The following PITPNC1 variants were observed in gnomAD, a reference collection of about 807,000 sequenced individuals.
PITPNC1 encodes phosphatidylinositol transfer protein cytoplasmic 1.
PITPNC1 carries 18 observed loss-of-function variants against 44.7 expected under a neutral mutation model. The observed-to-expected ratio is 0.40, with a 90% confidence interval of 0.28 to 0.60. PITPNC1 has a LOEUF of 0.60. Ranked by LOEUF, PITPNC1 falls within the 20% of genes least tolerant of loss-of-function variation. PITPNC1 has a pLI of 0.39. For missense variants in PITPNC1, 290 were observed against 418.4 expected (o/e 0.69, Z 2.68); for synonymous variants, 141 against 149.6 (o/e 0.94, Z 0.42).
Position 67,465,635 on chromosome 17 carries a change from T to C in PITPNC1, c.49-67167T>C, listed in dbSNP as rs566368516. Among the ~76,000 whole-genome samples, 8 of 152,178 alleles carry C rather than the reference T, an allele frequency of 5.3e-5. No individual in the cohort carries two copies. The South Asian group carries it at 1.7e-3, about 32-fold the overall frequency. ...CCTGCACTGGATAGCCTTTCTCCAA[T>C]CTGTATAAGGTGGAATAGGGAAATG... On this transcript the variant is annotated intron_variant, in intron 1 of 8. Coordinates refer to ENST00000581322, the MANE Select transcript of PITPNC1 (RefSeq NM_012417.4).
chr17:67,403,240 A>AAAAAAAAAAAAAC (rs2038349039), intron 1 of PITPNC1, among the ~76,000 whole-genome samples: 1 of 148,738 alleles, frequency 6.7e-6, no homozygotes, highest in Non-Finnish European at 1.5e-5. Context: ...AAAAAAAAAA[A>AAAAAAAAAAAAAC]AGTCATGACT....
chr17:67,408,711 TTCCTTCCTTC>T (rs1567978390), intron 1 of PITPNC1: 49 of 149,036 alleles, frequency 3.3e-4, no homozygotes, highest in African/African-American at 7.0e-4. Context: ...CCTTCCTTCC[TTCCTTCCTTC>T]CTTCCTTCCT....
intron 6 of PITPNC1, among the ~76,000 whole-genome samples, chr17:67,640,763 G>A (rs898209033): frequency 2.0e-5 from 3 of 151,696 alleles, no homozygotes; most frequent in Non-Finnish European, 2.9e-5. Context: ...GCCGAGGCAG[G>A]CAGATTGCCT....
At chr17:67,607,650 AT>A (rs2041625581) in intron 5 of PITPNC1, among the ~76,000 whole-genome samples, 1 of 151,282 alleles carries the variant, frequency 6.6e-6, no homozygotes, top group African/African-American at 2.4e-5. Flanking sequence ...CTCCATACAT[AT>A]TTACATCATT....
At chr17:67,403,820 G>C (rs942371286) in intron 1 of PITPNC1, among the ~76,000 whole-genome samples, 1 of 152,150 alleles carries the variant, frequency 6.6e-6, no homozygotes, top group African/African-American at 2.4e-5. Context: ...TCAGGAGTTT[G>C]AGACCAGGCT....
chr17:67,476,826 G>A (rs1412658884), intron 1 of PITPNC1, among the ~76,000 whole-genome samples: 1 of 151,994 alleles, frequency 6.6e-6, no homozygotes, highest in African/African-American at 2.4e-5. Context: ...CTGGGTCCTG[G>A]GCTGTGATTC....
chr17:67,447,275 C>T (rs1351644113), intron 1 of PITPNC1, among the ~76,000 whole-genome samples: 1 of 151,692 alleles, frequency 6.6e-6, no homozygotes, highest in Non-Finnish European at 1.5e-5. Flanking sequence ...AGGCCCTTTG[C>T]TTTGGGTTAA....
At chr17:67,489,388 T>A (rs1333609302) in intron 1 of PITPNC1, among the ~76,000 whole-genome samples, 1 of 152,204 alleles carries the variant, frequency 6.6e-6, no homozygotes, top group African/African-American at 2.4e-5. Flanking sequence ...CAGAATGAAC[T>A]AAAGATCATG....
intron 1 of PITPNC1, among the ~76,000 whole-genome samples, chr17:67,384,428 C>CTTTTTT (rs60147017): frequency 7.0e-6 from 1 of 142,760 alleles, no homozygotes. Flanking sequence ...TCCTTGTTCT[C>CTTTTTT]TTTTTTTTTT....
chr17:67,389,960 C>T (rs1040811732), intron 1 of PITPNC1, among the ~76,000 whole-genome samples: 2 of 151,906 alleles, frequency 1.3e-5, no homozygotes, highest in African/African-American at 4.8e-5. Context: ...ATTACAGACG[C>T]GAGCCACCGT....
intron 5 of PITPNC1, among the ~76,000 whole-genome samples, chr17:67,610,412 G>A (rs1305551258): frequency 6.6e-6 from 1 of 152,174 alleles, no homozygotes; most frequent in Non-Finnish European, 1.5e-5. Context: ...AAATTACATT[G>A]GAAATTGTTT....
At chr17:67,692,511 G>C (rs1054875354) in intron 8 of PITPNC1, 61 bp from the exon 9 acceptor site, 1 of 1,181,820 alleles carries the variant, frequency 8.5e-7, no homozygotes, top group Non-Finnish European at 1.2e-6. Flanking sequence ...GGGTAGTGAT[G>C]AATCTATTTG....
At chr17:67,601,959 G>A (rs951315140) in intron 5 of PITPNC1, among the ~76,000 whole-genome samples, 3 of 152,108 alleles carry the variant, frequency 2.0e-5, no homozygotes, top group Non-Finnish European at 4.4e-5. Flanking sequence ...TAAAGGAAGG[G>A]GTCAGGAAAG....
intron 1 of PITPNC1, among the ~76,000 whole-genome samples, chr17:67,401,933 T>C (rs757807460): frequency 1.2e-4 from 19 of 152,224 alleles, no homozygotes; most frequent in Non-Finnish European, 2.2e-4. Context: ...TTCCTTCAGA[T>C]TGAATTTATG....
chr17:67,678,010 C>A (rs1006618860), intron 8 of PITPNC1, among the ~76,000 whole-genome samples: 4 of 151,476 alleles, frequency 2.6e-5, no homozygotes, highest in Non-Finnish European at 5.9e-5. Flanking sequence ...CCCAGGAATT[C>A]GAGACCAGCA....
chr17:67,502,288 T>G lies in PITPNC1; in HGVS notation c.49-30514T>G, dbSNP rs535882830. On this transcript the variant is annotated intron_variant, in intron 1 of 8. Transcript: ENST00000581322. ...GTGTTTTAAGATTTACTTGTACTTT[T>G]TTTTTTTTTAGGCCACTAGGCTGTT... is the stretch of plus-strand genomic sequence containing the variant. Among the ~76,000 whole-genome samples the G allele has an allele frequency of 1.6e-4, 24 of 152,180 alleles. No individual in the cohort carries two copies. The South Asian group carries it at 4.4e-3, about 28-fold the overall frequency.
At chr17:67,596,086 TG>T (rs1301864957) in intron 5 of PITPNC1, among the ~76,000 whole-genome samples, 1 of 152,238 alleles carries the variant, frequency 6.6e-6, no homozygotes, top group Non-Finnish European at 1.5e-5. Context: ...ATCATGAGAT[TG>T]GGTTTGTTAT....
intron 6 of PITPNC1, among the ~76,000 whole-genome samples, chr17:67,645,341 C>T (rs2042136178): frequency 8.6e-6 from 1 of 116,662 alleles, no homozygotes; most frequent in Non-Finnish European, 1.7e-5. Context: ...AACTCCATCT[C>T]AGAAAAAAAA....
chr17:67,577,061 C>T (rs933113212), intron 4 of PITPNC1, among the ~76,000 whole-genome samples: 2 of 151,978 alleles, frequency 1.3e-5, no homozygotes, highest in African/African-American at 2.4e-5. Context: ...GCGGGAGAAT[C>T]GCATAAGGCC....
Sources: allele counts gnomAD v4.1 joint callset (sites outside exome capture counted in the v4.1 genomes callset), GRCh38; gene constraint gnomAD v4.1.1; transcripts MANE v1.5; gene names NCBI Gene and HGNC (gene_info 2026-07-23, HGNC 2026-07-21).